MYT1L: variants seen among roughly 807,000 people sequenced by gnomAD.
MYT1L encodes myelin transcription factor 1-like protein.
MYT1L carries 12 observed loss-of-function variants against 126.7 expected under a neutral mutation model. The observed-to-expected ratio is 0.09, with a 90% CI of 0.06 to 0.15. The LOEUF (loss-of-function observed/expected upper bound fraction) is 0.15. Ranked by LOEUF, MYT1L falls within the 10% of genes least tolerant of loss-of-function variation. The pLI, the probability that MYT1L is intolerant of heterozygous loss-of-function variation, is 1.00. For synonymous variants in MYT1L, 541 were observed against 604.2 expected (o/e 0.90, Z 1.53); for missense variants, 979 against 1,585.2 (o/e 0.62, Z 6.49).
chr2:2,104,827 G>A (rs2078548281), intron 3 of MYT1L, among the ~76,000 whole-genome samples: 1 of 152,144 alleles, frequency 6.6e-6, no homozygotes, highest in African/African-American at 2.4e-5. Context: ...TTTCCATGCT[G>A]TTTCTGGCCT....
rs1203413211 is a variant in MYT1L, at chr2:1,943,114, C to T, written c.373G>A (p.Glu125Lys). Residue 125 changes from glutamate to lysine, a missense_variant, in exon 9 of 25, where the codon GAG (glutamate) becomes AAG (lysine). Physicochemically the swap from Glu to Lys is moderately conservative, Grantham distance 56. Around this residue, in one of 12 missense-constraint regions of MYT1L, gnomAD observed 111 missense variants for 115.9 expected, o/e 0.96. Transcript: ENST00000647738. This position sits in a 1 kb window ranked among gnomAD's most constrained non-coding sequence, Gnocchi z 4.4. ...DEPGDEDEED[E>K]EGDREEEEEI... ...TCCTCCTCCTCCCGGTCCCCCTCCT[C>T]GTCCTCCTCGTCCTCATCCCCTGGC... The T allele has an allele frequency of 4.0e-6, 6 of 1,492,532 alleles. No individual in the cohort carries two copies. The highest frequency in any genetic ancestry group is 1.4e-5 in the African/African-American group (1 of 71,628). The allele number at this position is 1,492,532 out of a possible 1,614,324, so 92.5% of individuals were successfully genotyped here.
intron 2 of MYT1L, among the ~76,000 whole-genome samples, chr2:2,257,300 T>C (rs1369723772): frequency 6.6e-6 from 1 of 152,220 alleles, no homozygotes; most frequent in Non-Finnish European, 1.5e-5. Flanking sequence ...TTGGGGCTCA[T>C]ATTGGAAATG....
At chr2:1,792,177 G>T in intron 24 of MYT1L, 144 bp downstream of exon 24, 2 of 1,264,122 alleles carry the variant, frequency 1.6e-6, no homozygotes, top group East Asian at 2.6e-5. Context: ...GTTTCTAGCA[G>T]TTAATGGTAT....
intron 3 of MYT1L, among the ~76,000 whole-genome samples, chr2:2,081,810 G>A (rs2075861693): frequency 6.6e-6 from 1 of 152,086 alleles, no homozygotes; most frequent in Non-Finnish European, 1.5e-5. Flanking sequence ...TGTGATCTTG[G>A]CTCACTGCAA....
chr2:1,993,453 T>A (rs1481636086), intron 5 of MYT1L, among the ~76,000 whole-genome samples: 4 of 152,166 alleles, frequency 2.6e-5, no homozygotes, highest in African/African-American at 9.7e-5. Context: ...TTACAAAACT[T>A]TTTTGTACTT....
At chr2:2,280,097 A>C (rs917810395) in intron 2 of MYT1L, among the ~76,000 whole-genome samples, 2 of 152,226 alleles carry the variant, frequency 1.3e-5, no homozygotes, top group Admixed American at 1.3e-4. Context: ...TTAAAGTAAA[A>C]ATTAAGAAAA....
At chr2:2,069,286 T>C (rs1485423669) in intron 3 of MYT1L, among the ~76,000 whole-genome samples, 1 of 152,158 alleles carries the variant, frequency 6.6e-6, no homozygotes, top group East Asian at 1.9e-4. Flanking sequence ...TGTGTTCTCA[T>C]TGTTCAACTC....
intron 8 of MYT1L, among the ~76,000 whole-genome samples, chr2:1,978,325 G>C (rs1226165034): frequency 5.9e-5 from 9 of 152,166 alleles, no homozygotes; most frequent in Admixed American, 3.9e-4. Flanking sequence ...CTTGGTCTTT[G>C]CAATCTAATT....
chr2:2,128,017 T>G (rs1236873595), intron 3 of MYT1L, among the ~76,000 whole-genome samples: 1 of 152,234 alleles, frequency 6.6e-6, no homozygotes, highest in East Asian at 1.9e-4. Flanking sequence ...GTATGTGAAA[T>G]TACTTTAAAT....
intron 14 of MYT1L, among the ~76,000 whole-genome samples, chr2:1,893,354 G>A (rs1397723942): frequency 2.0e-5 from 3 of 152,154 alleles, no homozygotes; most frequent in African/African-American, 7.2e-5. Flanking sequence ...AGGTGGACCT[G>A]GTCTCTCCCA....
At chr2:1,945,924 T>A (rs2057172654) in intron 8 of MYT1L, among the ~76,000 whole-genome samples, 1 of 152,322 alleles carries the variant, frequency 6.6e-6, no homozygotes, top group Non-Finnish European at 1.5e-5. Flanking sequence ...GAAACAATTT[T>A]ATGTTTCTTA....
intron 5 of MYT1L, among the ~76,000 whole-genome samples, chr2:1,992,940 A>G (rs2061553980): frequency 6.6e-6 from 1 of 152,114 alleles, no homozygotes; most frequent in South Asian, 2.1e-4. Context: ...CACCACCCGG[A>G]TCAATAAACT....
At chr2:2,000,102 C>T (rs2062218773) in intron 4 of MYT1L, among the ~76,000 whole-genome samples, 3 of 152,306 alleles carry the variant, frequency 2.0e-5, no homozygotes, top group South Asian at 4.1e-4. Context: ...GTGCATGACT[C>T]CAGAACAAAG....
At chr2:2,164,110 T>C (rs1306108212) in intron 3 of MYT1L, among the ~76,000 whole-genome samples, 1 of 152,226 alleles carries the variant, frequency 6.6e-6, no homozygotes, top group Non-Finnish European at 1.5e-5. Flanking sequence ...TTAGCTCTTT[T>C]TAATGAACTT....
At position 1,912,601 on chromosome 2, in the gene MYT1L, T is replaced by C. The variant is rs2052202615; in HGVS notation, c.1619-491A>G. ...AACACACAGCATTATGAACGTGTGGTGGGTAGATGAATACAGAACCACAAA... is the reference window on the plus strand; with the variant it reads ...AACACACAGCATTATGAACGTGTGGCGGGTAGATGAATACAGAACCACAAA... On this transcript the variant is annotated intron_variant, in intron 11 of 24. Transcript: ENST00000647738. This position sits in a 1 kb window ranked among gnomAD's most constrained non-coding sequence, Gnocchi z 4.3. Among the ~76,000 whole-genome samples the C allele has an allele frequency of 6.6e-6, 1 of 152,168 alleles. No individual in the cohort carries two copies.
At chr2:1,805,452 G>A (rs947533803) in intron 22 of MYT1L, among the ~76,000 whole-genome samples, 1 of 152,190 alleles carries the variant, frequency 6.6e-6, no homozygotes, top group African/African-American at 2.4e-5. Flanking sequence ...TTTACACTCA[G>A]GATATGAAAG....
chr2:2,284,792 C>A (rs2095494603), intron 1 of MYT1L, among the ~76,000 whole-genome samples: 1 of 150,272 alleles, frequency 6.7e-6, no homozygotes. Context: ...TGGAGCCTGT[C>A]TCCTGGGTTC....
chr2:2,166,058 T>C (rs2089058216), intron 3 of MYT1L, among the ~76,000 whole-genome samples: 1 of 152,194 alleles, frequency 6.6e-6, no homozygotes, highest in Non-Finnish European at 1.5e-5. Context: ...AAAAGGTAAT[T>C]GTGTTTATTA....
intron 8 of MYT1L, among the ~76,000 whole-genome samples, chr2:1,972,213 G>A (rs539342958): frequency 2.6e-5 from 4 of 152,294 alleles, no homozygotes; most frequent in African/African-American, 7.2e-5. Flanking sequence ...GCAGCCACAC[G>A]TTAATTAGAG....
Sources: allele counts gnomAD v4.1 joint callset (sites outside exome capture counted in the v4.1 genomes callset), GRCh38; gene constraint gnomAD v4.1.1; regional missense constraint gnomAD v4.1.1; non-coding constraint Gnocchi (gnomAD v3.1); transcripts MANE v1.5; gene names NCBI Gene and HGNC (gene_info 2026-07-23, HGNC 2026-07-21).